ST6GALNAC6: variants seen among roughly 807,000 people sequenced by gnomAD.
ST6GALNAC6 encodes the protein alpha-N-acetylgalactosaminide alpha-2,6-sialyltransferase 6.
In ST6GALNAC6, 19 loss-of-function variants were observed where a neutral mutation model predicts 34.3. The observed-to-expected ratio is 0.55, with a 90% CI of 0.39 to 0.81. The LOEUF is 0.81. ST6GALNAC6 is among the 40% of genes least tolerant of loss of function. ST6GALNAC6 has a pLI of 0.00. For synonymous variants in ST6GALNAC6, 185 were observed against 182.1 expected, an observed-to-expected ratio of 1.02 and a Z score of -0.13; for missense variants, 377 against 467.7, an observed-to-expected ratio of 0.81 and a Z score of 1.79.
intron 4 of ST6GALNAC6, among the ~76,000 whole-genome samples, chr9:127,893,031 C>T (rs1796231222): frequency 6.6e-6 from 1 of 152,202 alleles, no homozygotes; most frequent in Non-Finnish European, 1.5e-5. Flanking sequence ...GCTGCAACAC[C>T]CGCAGTCTCA....
chr9:127,904,568 C>T (rs1830864894), upstream of ST6GALNAC6: 1 of 152,298 alleles, frequency 6.6e-6, no homozygotes, highest in Admixed American at 6.5e-5. Flanking sequence ...AAACCAAGAT[C>T]AAGGGTCGGA....
At chr9:127,899,466 C>A (rs1323260964) in intron 1 of ST6GALNAC6, 37 bp downstream of exon 1, 1 of 932,738 alleles carries the variant, frequency 1.1e-6, no homozygotes, top group South Asian at 4.8e-5. Context: ...CCTCCGCCCC[C>A]GCCCCCGCGG....
chr9:127,896,646 T>C (rs2131557507), intron 2 of ST6GALNAC6, among the ~76,000 whole-genome samples: 1 of 152,294 alleles, frequency 6.6e-6, no homozygotes, highest in African/African-American at 2.4e-5. Context: ...AGGAGCCCCA[T>C]TCACACCCTG....
intron 3 of ST6GALNAC6, among the ~76,000 whole-genome samples, chr9:127,895,920 C>A (rs995838546): frequency 6.6e-6 from 1 of 152,188 alleles, no homozygotes; most frequent in Non-Finnish European, 1.5e-5. Flanking sequence ...CCCCATTTCC[C>A]GCTCACCTCC....
At chr9:127,902,819 C>T (rs949227674), upstream of ST6GALNAC6, among the ~76,000 whole-genome samples, 2 of 45,774 alleles carry the variant, frequency 4.4e-5, no homozygotes, top group African/African-American at 8.4e-5. Context: ...AACTCCTGAC[C>T]TCAAATGATC....
chr9:127,889,163 A>G (rs972147649), intron 5 of ST6GALNAC6, among the ~76,000 whole-genome samples: 1 of 152,144 alleles, frequency 6.6e-6, no homozygotes, highest in Non-Finnish European at 1.5e-5. Flanking sequence ...AGCCTGGCCA[A>G]CACGGTGAAA....
Position 127,887,522 on chromosome 9 carries a change from G to C in ST6GALNAC6, c.774C>G (p.His258Gln). ...GGGGGACCATGCCATAGACATGCAC[G>C]TGGTCACACAACTCCACCGCGATCA... The part of the protein sequence containing the change: ...TMVIAVELCD[H>Q]VHVYGMVPPN... Residue 258 changes from histidine (H) to glutamine (Q), a missense_variant, in exon 6 of 7, where the codon CAC (histidine) becomes CAG (glutamine). His to Gln is a conservative substitution (Grantham distance 24). Coordinates refer to ENST00000373146, the MANE Select transcript of ST6GALNAC6 (RefSeq NM_013443.5). 6.2e-7 allele frequency: 1 copy of C among 1,613,006 alleles called. No homozygotes were observed. Among genetic ancestry groups the C allele is most frequent in the Non-Finnish European group, 8.5e-7 (1 of 1,179,492 alleles).
At chr9:127,895,499 C>G (rs1830398662) in intron 3 of ST6GALNAC6, among the ~76,000 whole-genome samples, 1 of 152,212 alleles carries the variant, frequency 6.6e-6, no homozygotes, top group Non-Finnish European at 1.5e-5. Context: ...CTGGAGCCAT[C>G]CAGTGGGCCA....
Position 127,896,267 on chromosome 9 carries a change from CG to C in ST6GALNAC6, c.91del (p.Arg31AlafsTer5). Reference protein sequence around the residue: ...AGRRHLPLSRRRREMSSNKEQ... With the variant: ...AGRRHLPLSRXRREMSSNKEQ... The stretch of plus-strand genomic sequence containing the variant: ...TTTGTTGCTACTCATTTCTCTCCGG[CG>C]TCTGCTGAGGGGTAGGTGTCGGCGT... On this transcript the variant is annotated frameshift_variant, in exon 3 of 7. Coordinates refer to ENST00000373146, the MANE Select transcript of ST6GALNAC6 (RefSeq NM_013443.5). LOFTEE classifies it high-confidence loss of function. 1 of 1,614,086 alleles carries C rather than the reference CG, an allele frequency of 6.2e-7. No individual in the cohort carries two copies. The highest frequency in any genetic ancestry group is 8.5e-7 in the Non-Finnish European group (1 of 1,179,986).
upstream of ST6GALNAC6, chr9:127,903,398 G>A (rs117878811): frequency 2.3e-4 from 35 of 152,310 alleles, no homozygotes; most frequent in East Asian, 6.4e-3. Flanking sequence ...TTGATTCCCT[G>A]TTAAAGTGAA....
In ST6GALNAC6 at chr9:127,890,962, C is replaced by T. The variant is rs1830100400; in HGVS notation, c.379G>A (p.Glu127Lys). The change falls in exon 5 of 7, where the codon GAG becomes AAG. Residue 127 changes from glutamate to lysine, a missense_variant. Glu to Lys is a moderately conservative substitution (Grantham distance 56, BLOSUM62 1). Transcript: ENST00000373146. This position sits in a 1 kb window ranked among gnomAD's most constrained non-coding sequence, Gnocchi z 4.3. Reference sequence around the variant, plus strand: ...ATGCGGATTGTACACTCAGCCCGCTCGATCTCAGGGCCCAGCTTGGTGCCC... The same window carrying T: ...ATGCGGATTGTACACTCAGCCCGCTTGATCTCAGGGCCCAGCTTGGTGCCC... ...LLGTKLGPEI[E>K]RAECTIRMND... 4 of 1,614,162 alleles carry T rather than the reference C, an allele frequency of 2.5e-6. No individual in the cohort carries two copies. Among genetic ancestry groups the T allele is most frequent in the Non-Finnish European group, 3.4e-6 (4 of 1,180,036 alleles).
chr9:127,896,145 A>G, intron 3 of ST6GALNAC6, 97 bp downstream of exon 3: 1 of 1,378,726 alleles, frequency 7.3e-7, no homozygotes, highest in South Asian at 1.2e-5. Flanking sequence ...GGAAGAAGAG[A>G]CTCGTGGTGG....
At chr9:127,905,249 C>T in exon 1 of ST6GALNAC6, 1 of 985,544 alleles carries the variant, frequency 1.0e-6, no homozygotes, top group Non-Finnish European at 1.2e-6. Context: ...AGCAGAGAGT[C>T]TTCAGTTTCC....
chr9:127,893,630 G>A (rs1181426165), intron 4 of ST6GALNAC6, among the ~76,000 whole-genome samples: 4 of 152,194 alleles, frequency 2.6e-5, no homozygotes, highest in African/African-American at 9.7e-5. Context: ...CTGTGATGCT[G>A]GAAGCACTGC....
intron 3 of ST6GALNAC6, 27 bp downstream of exon 3, chr9:127,896,214 TG>T: frequency 6.2e-7 from 1 of 1,612,592 alleles, no homozygotes; most frequent in Non-Finnish European, 8.5e-7. Flanking sequence ...AGAGGCTCAA[TG>T]GGGTTAAGAA....
intron 1 of ST6GALNAC6, among the ~76,000 whole-genome samples, chr9:127,899,102 G>T (rs1166519731): frequency 6.6e-6 from 1 of 152,164 alleles, no homozygotes; most frequent in Non-Finnish European, 1.5e-5. Flanking sequence ...CAGGGAGAAG[G>T]GGGAGGGGGG....
At chr9:127,897,086 T>C in intron 2 of ST6GALNAC6, 1 of 881,394 alleles carries the variant, frequency 1.1e-6, no homozygotes, top group Non-Finnish European at 1.4e-6. Context: ...TCTCAGGGGG[T>C]GGCTGGGGGG....
At chr9:127,896,636 A>C (rs1830472097) in intron 2 of ST6GALNAC6, among the ~76,000 whole-genome samples, 1 of 152,210 alleles carries the variant, frequency 6.6e-6, no homozygotes, top group Non-Finnish European at 1.5e-5. Context: ...TCCACGCAGT[A>C]GGAGCCCCAT....
chr9:127,889,515 C>T (rs921642147), intron 5 of ST6GALNAC6, among the ~76,000 whole-genome samples: 3 of 151,008 alleles, frequency 2.0e-5, no homozygotes, highest in African/African-American at 7.3e-5. Context: ...AGGATGTCAG[C>T]TCACTGAAAC....
Sources: gnomAD v4.1 joint callset for allele counts (sites outside exome capture counted in the v4.1 genomes callset) on GRCh38, gnomAD v4.1.1 for gene constraint, Gnocchi (gnomAD v3.1) non-coding constraint, MANE v1.5 for transcripts, NCBI Gene and HGNC (gene_info 2026-07-23, HGNC 2026-07-21) for gene names.